PPP2R2C: variants seen among roughly 807,000 people sequenced by gnomAD.
PPP2R2C encodes the protein protein phosphatase 2, regulatory subunit B, gamma.
Under a neutral mutation model 45.3 loss-of-function variants are expected in PPP2R2C, and 10 were observed. The observed-to-expected ratio is 0.22, with a 90% confidence interval of 0.14 to 0.37. The LOEUF (loss-of-function observed/expected upper bound fraction) is 0.37, where lower values mean the gene tolerates loss of function less well. Among genes scored for constraint, PPP2R2C ranks in the 10% least tolerant of loss-of-function variants. The probability of loss-of-function intolerance (pLI) is 1.00; values close to 1 mark genes in which losing one functional copy is unlikely to be tolerated. For synonymous variants in PPP2R2C, 257 were observed against 245.4 expected (o/e 1.05, Z -0.44); for missense variants, 308 against 619.7 (o/e 0.50, Z 5.34).
chr4:6,549,330 C>T (rs764560469), intron 1 of PPP2R2C, among the ~76,000 whole-genome samples: 1 of 152,156 alleles, frequency 6.6e-6, no homozygotes, highest in Non-Finnish European at 1.5e-5. Flanking sequence ...ACAGAACACG[C>T]CAGGCTCATT....
intron 1 of PPP2R2C, among the ~76,000 whole-genome samples, chr4:6,403,495 C>G (rs541224097): frequency 5.9e-5 from 9 of 152,230 alleles, no homozygotes; most frequent in Non-Finnish European, 1.2e-4. Context: ...TCCCCACCCC[C>G]ACGGAGGCTT....
rs2109272929 is a variant in PPP2R2C, at chr4:6,364,099, G to A, written c.625+8424C>T. ...AGTCCAGGAGGGAGAGGCGGGAAAT[G>A]AACAGGGAACGAGGTAGAGGCCAAG... On this transcript the variant is annotated intron_variant, in intron 5 of 8. Coordinates refer to ENST00000382599, the MANE Select transcript of PPP2R2C (RefSeq NM_020416.4). The surrounding 1 kb of genome is among the most constrained non-coding windows in gnomAD (Gnocchi z 5.3). 6.6e-6 allele frequency among the ~76,000 whole-genome samples: 1 copy of A among 152,320 alleles called. No individual in the cohort carries two copies. The highest frequency in any genetic ancestry group is 2.4e-5 in the African/African-American group (1 of 41,574).
intron 6 of PPP2R2C, 98 bp downstream of exon 6, chr4:6,347,748 C>G: frequency 7.0e-7 from 1 of 1,434,038 alleles, no homozygotes; most frequent in Non-Finnish European, 9.3e-7. Flanking sequence ...ATGCTCATCC[C>G]ACACCCACCA....
At chr4:6,562,980 G>C (rs1470258743) in intron 1 of PPP2R2C, among the ~76,000 whole-genome samples, 1 of 143,510 alleles carries the variant, frequency 7.0e-6, no homozygotes, top group South Asian at 2.3e-4. Context: ...AAAAAAAAAG[G>C]CTTCTCCAAA....
In PPP2R2C at chr4:6,326,681, G is replaced by A. The variant is rs79700743; in HGVS notation, c.1052+2581C>T. On this transcript the variant is annotated intron_variant, in intron 8 of 8. Transcript: ENST00000382599. ...AGTTTCCTAGAACCACTTTCCAGCC[G>A]AGCTGACTTAGGGGCTTCCTCAAGC... is the stretch of plus-strand genomic sequence containing the variant. Among the ~76,000 whole-genome samples the A allele has an allele frequency of 8.1e-3, 1,227 of 152,322 alleles. 23 individuals are homozygous for A. Among genetic ancestry groups the A allele is most frequent in the African/African-American group, 0.028 (1,183 of 41,574 alleles).
intron 2 of PPP2R2C, among the ~76,000 whole-genome samples, chr4:6,532,795 G>A (rs142569441): frequency 9.0e-4 from 137 of 152,278 alleles, no homozygotes; most frequent in African/African-American, 2.7e-3. Flanking sequence ...CATGGCCCCC[G>A]GTCCCTGTTC....
At chr4:6,427,067 G>C (rs1306603590) in intron 1 of PPP2R2C, among the ~76,000 whole-genome samples, 1 of 152,230 alleles carries the variant, frequency 6.6e-6, no homozygotes, top group Non-Finnish European at 1.5e-5. Flanking sequence ...GAGAATATCT[G>C]ACCTGGCAAC....
intron 4 of PPP2R2C, 62 bp downstream of exon 4, chr4:6,375,757 G>C: frequency 7.4e-7 from 1 of 1,355,652 alleles, no homozygotes; most frequent in South Asian, 1.3e-5. Context: ...GGCTTTTCCA[G>C]CCCTAAAATC....
chr4:6,382,202 C>T, intron 1 of PPP2R2C: 1 of 1,201,262 alleles, frequency 8.3e-7, no homozygotes. Context: ...AATACCATCC[C>T]CATAGGCCCA....
chr4:6,539,865 G>A lies in PPP2R2C; in HGVS notation c.-58-4488C>T, dbSNP rs144727429. Reference sequence around the variant, plus strand: ...ACAGAAACTAGATCTCCCCAAGCCCGTGCAGCTGTGTGGGTAGAGGGGTCT... The same window carrying A: ...ACAGAAACTAGATCTCCCCAAGCCCATGCAGCTGTGTGGGTAGAGGGGTCT... On this transcript the variant is annotated intron_variant, in intron 1 of 9. Transcript: ENST00000506140. Among the ~76,000 whole-genome samples, 933 of 152,098 alleles carry A rather than the reference G, an allele frequency of 6.1e-3. 7 individuals carry two copies. The highest frequency in any genetic ancestry group is 0.021 in the African/African-American group (885 of 41,500).
At chr4:6,372,426 T>C (rs1296615577) in intron 5 of PPP2R2C, 97 bp downstream of exon 5, 33 of 1,329,130 alleles carry the variant, frequency 2.5e-5, no homozygotes, top group Non-Finnish European at 3.4e-5. Flanking sequence ...AATGCAGCCA[T>C]CCCCAAACCA....
chr4:6,511,481 C>A (rs1229952254), intron 2 of PPP2R2C, among the ~76,000 whole-genome samples: 2 of 15,776 alleles, frequency 1.3e-4, no homozygotes, highest in East Asian at 1.8e-3. Context: ...GTGGTGATGG[C>A]GGTGTTGGTG....
intron 4 of PPP2R2C, among the ~76,000 whole-genome samples, chr4:6,374,974 G>C (rs377058081): frequency 6.6e-5 from 10 of 152,260 alleles, no homozygotes; most frequent in African/African-American, 2.2e-4. Context: ...TGGGATGTGT[G>C]TGACTTACAG....
chr4:6,420,541 T>A (rs551766306), intron 1 of PPP2R2C, among the ~76,000 whole-genome samples: 2 of 152,226 alleles, frequency 1.3e-5, no homozygotes, highest in East Asian at 3.9e-4. Context: ...GCCTTGGGAA[T>A]CCAGAGGCAC....
intron 2 of PPP2R2C, among the ~76,000 whole-genome samples, chr4:6,523,061 C>T (rs1724077549): frequency 6.6e-6 from 1 of 152,226 alleles, no homozygotes; most frequent in Non-Finnish European, 1.5e-5. Context: ...AACCCCAAGC[C>T]AGTGTTTCTC....
Position 6,423,673 on chromosome 4 carries a change from G to A in PPP2R2C, c.71-42579C>T. 1.3e-5 allele frequency among the ~76,000 whole-genome samples: 2 copies of A among 152,242 alleles called. 1 individual carries two copies. Among genetic ancestry groups the A allele is most frequent in the Non-Finnish European group, 2.9e-5 (2 of 68,042 alleles). On this transcript the variant is annotated intron_variant, in intron 1 of 8. Coordinates refer to ENST00000382599, the MANE Select transcript of PPP2R2C (RefSeq NM_020416.4). ...GAACAAAGGGTTGAAGTGAGAAAAT[G>A]GGGGAATCTTTTTTTGATAAGCTGA...
At chr4:6,393,386 G>A (rs1204412499) in intron 1 of PPP2R2C, among the ~76,000 whole-genome samples, 1 of 152,214 alleles carries the variant, frequency 6.6e-6, no homozygotes, top group African/African-American at 2.4e-5. Context: ...TTCGCAGAAT[G>A]TTTTCAAGGT....
chr4:6,323,433 T>C lies in PPP2R2C; in HGVS notation c.1213A>G (p.Ser405Gly). ...VGGKRRRDDISVDSLDFTKKI... is the reference protein window; with the variant it reads ...VGGKRRRDDIGVDSLDFTKKI... Reference sequence around the variant, plus strand: ...TTGGTGAAGTCCAAGCTGTCCACACTGATGTCATCACGCCGGCGCTTGCCC... The same window carrying C: ...TTGGTGAAGTCCAAGCTGTCCACACCGATGTCATCACGCCGGCGCTTGCCC... Residue 405 changes from serine to glycine, a missense_variant, in exon 9 of 9, where the codon AGT (serine) becomes GGT (glycine). By Grantham distance (56) the Ser-to-Gly change is moderately conservative (BLOSUM62 0). Transcript: ENST00000382599. 6.2e-7 allele frequency: 1 copy of C among 1,613,806 alleles called. No homozygotes were observed. The highest frequency in any genetic ancestry group is 8.5e-7 in the Non-Finnish European group (1 of 1,179,720).
intron 1 of PPP2R2C, among the ~76,000 whole-genome samples, chr4:6,554,930 GGAAAGAAA>G (rs71173447): frequency 0.11 from 12,506 of 112,968 alleles, 1,250 homozygotes; most frequent in Middle Eastern, 0.17. Flanking sequence ...AAGGAAGGAA[GGAAAGAAA>G]GAAAGAAAGA....
Sources: gnomAD v4.1 joint callset for allele counts (sites outside exome capture counted in the v4.1 genomes callset) on GRCh38, gnomAD v4.1.1 for gene constraint, Gnocchi (gnomAD v3.1) non-coding constraint, MANE v1.5 for transcripts, NCBI Gene and HGNC (gene_info 2026-07-23, HGNC 2026-07-21) for gene names.